Variants in HPSE2 observed in about 807,000 individuals in gnomAD.
The protein encoded by HPSE2 is inactive heparanase-2.
In HPSE2, 38 loss-of-function variants were observed where a neutral mutation model predicts 60.5. That is an observed-to-expected ratio of 0.63 (90% CI 0.48 to 0.82). The LOEUF (loss-of-function observed/expected upper bound fraction) is 0.82. HPSE2 is among the 40% of genes least tolerant of loss of function. The pLI is 0.00. For missense variants in HPSE2, 713 were observed against 740.4 expected (o/e 0.96, Z 0.43); for synonymous variants, 295 against 293.2 (o/e 1.01, Z -0.06).
chr10:98,962,682 C>G (rs1008166168), intron 3 of HPSE2, among the ~76,000 whole-genome samples: 1 of 149,846 alleles, frequency 6.7e-6, no homozygotes, highest in Admixed American at 6.7e-5. Context: ...CTAGAAAACC[C>G]CATCGTCTCA....
intron 9 of HPSE2, among the ~76,000 whole-genome samples, chr10:98,528,105 C>T (rs962182778): frequency 3.3e-5 from 5 of 152,062 alleles, no homozygotes; most frequent in Non-Finnish European, 7.3e-5. Context: ...TTTTCTATGC[C>T]TTGAAGAATG....
chr10:98,697,538 T>C (rs150553203), intron 5 of HPSE2, among the ~76,000 whole-genome samples: 3,182 of 152,020 alleles, frequency 0.021, 47 homozygotes, highest in Middle Eastern at 0.038. Flanking sequence ...CTGACTGGAG[T>C]ACCTGAAAGA....
chr10:99,268,880 C>A, the HPSE2 span, among the ~76,000 whole-genome samples: 1 of 151,872 alleles, frequency 6.6e-6, no homozygotes, highest in Non-Finnish European at 1.5e-5. Flanking sequence ...ACGGGCCAGG[C>A]ATGGTGGCTC....
At chr10:98,677,129 T>C (rs748964790) in intron 6 of HPSE2, among the ~76,000 whole-genome samples, 1 of 152,230 alleles carries the variant, frequency 6.6e-6, no homozygotes, top group Non-Finnish European at 1.5e-5. Context: ...GCTATACTTG[T>C]AGAAGTGGTC....
At chr10:99,234,300 G>A (rs1039986317) in intron 1 of HPSE2, among the ~76,000 whole-genome samples, 1 of 152,168 alleles carries the variant, frequency 6.6e-6, no homozygotes, top group Non-Finnish European at 1.5e-5. Flanking sequence ...CCCGCTACCT[G>A]CCGCGTCCGC....
intron 6 of HPSE2, among the ~76,000 whole-genome samples, chr10:98,655,167 G>C (rs1366021669): frequency 6.6e-6 from 1 of 152,010 alleles, no homozygotes; most frequent in Non-Finnish European, 1.5e-5. Flanking sequence ...AGACGGAAAG[G>C]CTAGAGGGGG....
intron 9 of HPSE2, among the ~76,000 whole-genome samples, chr10:98,541,555 C>G (rs1309513102): frequency 6.6e-6 from 1 of 152,206 alleles, no homozygotes; most frequent in Admixed American, 6.5e-5. Context: ...AGGGAGTTCC[C>G]TTTCCTGGTC....
At chr10:98,906,801 G>A (rs1349150230) in intron 3 of HPSE2, among the ~76,000 whole-genome samples, 2 of 151,956 alleles carry the variant, frequency 1.3e-5, no homozygotes, top group Admixed American at 6.6e-5. Context: ...CTACTTGGGA[G>A]GCTGAGGCAG....
intron 10 of HPSE2, 117 bp downstream of exon 10, chr10:98,489,934 C>T: frequency 1.7e-6 from 2 of 1,187,768 alleles, no homozygotes; most frequent in Non-Finnish European, 2.5e-6. Context: ...ATGGTGATTC[C>T]AGAGGCAAAA....
chr10:98,930,211 C>T (rs1251016845), intron 3 of HPSE2, among the ~76,000 whole-genome samples: 1 of 143,856 alleles, frequency 7.0e-6, no homozygotes, highest in African/African-American at 2.8e-5. Context: ...GTTCAGTTCC[C>T]ACTTATAAGT....
chr10:99,198,348 A>G (rs933486382), intron 2 of HPSE2, among the ~76,000 whole-genome samples: 18 of 152,222 alleles, frequency 1.2e-4, no homozygotes, highest in African/African-American at 4.3e-4. Context: ...TTAATGTTCA[A>G]AAATAACAGT....
chr10:98,825,975 C>G (rs912991929), intron 3 of HPSE2, among the ~76,000 whole-genome samples: 2 of 152,188 alleles, frequency 1.3e-5, no homozygotes, highest in Admixed American at 1.3e-4. Flanking sequence ...ACCCTACTTC[C>G]AGACTCCTCA....
intron 3 of HPSE2, among the ~76,000 whole-genome samples, chr10:98,941,762 G>A (rs1328099921): frequency 1.9e-4 from 25 of 134,756 alleles, no homozygotes; most frequent in Non-Finnish European, 2.2e-4. Flanking sequence ...AAAAGAGCCC[G>A]CATCGCCAAG....
the HPSE2 span, among the ~76,000 whole-genome samples, chr10:99,297,253 T>C: frequency 1.6e-3 from 246 of 152,168 alleles, 1 homozygote; most frequent in African/African-American, 5.5e-3. Flanking sequence ...GCCCGGTGGG[T>C]TACCACCCAT....
At chr10:98,864,778 C>A (rs1041318984) in intron 3 of HPSE2, among the ~76,000 whole-genome samples, 1 of 152,128 alleles carries the variant, frequency 6.6e-6, no homozygotes, top group African/African-American at 2.4e-5. Context: ...CTGATTAAGC[C>A]TGCAAAGTTT....
intron 3 of HPSE2, among the ~76,000 whole-genome samples, chr10:99,001,830 T>G (rs1956783809): frequency 6.6e-6 from 1 of 152,116 alleles, no homozygotes; most frequent in African/African-American, 2.4e-5. Context: ...CTACAGTACA[T>G]TACTAAAAAT....
At chr10:99,208,280 G>A (rs149314025) in intron 2 of HPSE2, among the ~76,000 whole-genome samples, 1,814 of 152,020 alleles carry the variant, frequency 0.012, 16 homozygotes, top group Non-Finnish European at 0.018. Context: ...AGACAAGACA[G>A]GAAGAAAGAA....
At chr10:98,567,220 G>A (rs1944372578) in intron 9 of HPSE2, among the ~76,000 whole-genome samples, 2 of 152,350 alleles carry the variant, frequency 1.3e-5, no homozygotes, top group African/African-American at 4.8e-5. Context: ...AGGATGAGGT[G>A]TAAGGCAGGG....
intron 3 of HPSE2, among the ~76,000 whole-genome samples, chr10:99,051,240 G>A (rs567328820): frequency 3.3e-5 from 5 of 152,176 alleles, no homozygotes; most frequent in African/African-American, 9.6e-5. Context: ...CCGAGATCGC[G>A]CCACTGCACT....
Sources: allele counts gnomAD v4.1 joint callset (sites outside exome capture counted in the v4.1 genomes callset), GRCh38; gene constraint gnomAD v4.1.1; transcripts MANE v1.5; gene names NCBI Gene and HGNC (gene_info 2026-07-23, HGNC 2026-07-21).